Variants in CARD14 observed in about 807,000 individuals in gnomAD.
The protein encoded by CARD14 is caspase recruitment domain family member 14.
CARD14 carries 107 observed loss-of-function variants against 111.5 expected under a neutral mutation model. That is an observed-to-expected ratio of 0.96 (90% CI 0.82 to 1.13). The LOEUF is 1.13. CARD14 is among the 50% of genes most tolerant of loss of function. The probability of loss-of-function intolerance (pLI) is 0.00; values close to 1 mark genes in which losing one functional copy is unlikely to be tolerated. For synonymous variants in CARD14, 617 were observed against 579.6 expected, an observed-to-expected ratio of 1.06 and a Z score of -0.93; for missense variants, 1,322 against 1,362.3, an observed-to-expected ratio of 0.97 and a Z score of 0.47.
intron 23 of CARD14, among the ~76,000 whole-genome samples, chr17:80,207,297 T>C (rs2041380130): frequency 6.6e-6 from 1 of 152,206 alleles, no homozygotes; most frequent in African/African-American, 2.4e-5. Flanking sequence ...ACGCCTGTAA[T>C]CCCAGCACTT....
Position 80,181,660 on chromosome 17 carries a change from C to T in CARD14, c.211+11C>T. On this transcript the variant is annotated intron_variant, in intron 5 of 23. Coordinates refer to ENST00000648509, the MANE Select transcript of CARD14 (RefSeq NM_001366385.1). ...GCGCCATGCGGGCCGGTGAGCGCAG[C>T]TCCCTCTTCCCCACCTCTTCCAGCT... 15 of 1,535,092 alleles carry T rather than the reference C, an allele frequency of 9.8e-6. No individual in the cohort carries two copies. The highest frequency in any genetic ancestry group is 1.4e-5 in the African/African-American group (1 of 72,986).
In CARD14 at chr17:80,202,160, C is replaced by T. The variant is rs2041014434; in HGVS notation, c.1979-20C>T. On this transcript the variant is annotated intron_variant, in intron 17 of 23. Transcript: ENST00000648509. ...GCTCGTATCTGTGGCTCATCTGTGG[C>T]TCATGTCCCCTTTTATCAGGTTATA... is the stretch of plus-strand genomic sequence containing the variant. 5 of 1,597,302 alleles carry T rather than the reference C, an allele frequency of 3.1e-6. No individual in the cohort carries two copies. In the South Asian group the frequency reaches 4.4e-5, roughly 14 times the overall value.
At position 80,175,998 on chromosome 17, in the gene CARD14, C is replaced by G. The variant is rs762952795; in HGVS notation, c.-366-2510C>G. 2.6e-5 allele frequency among the ~76,000 whole-genome samples: 2 copies of G among 76,902 alleles called. 1 individual carries two copies. The highest frequency in any genetic ancestry group is 1.1e-4 in the African/African-American group (2 of 18,318). The allele number at this position is 76,902 out of a possible 152,430, so 50.5% of individuals were successfully genotyped here. On this transcript the variant is annotated intron_variant, in intron 2 of 23. Transcript: ENST00000648509. ...TTTTTTTTTTTTTTTTTTTTAAAAA[C>G]GGGATCGTGCTATGTTGCTAGGCTA...
intron 23 of CARD14, 61 bp downstream of exon 23, chr17:80,207,146 C>A: frequency 8.1e-7 from 1 of 1,237,702 alleles, no homozygotes; most frequent in Non-Finnish European, 1.2e-6. Context: ...CCCCCAAAGC[C>A]CACGGCAGGT....
At position 80,181,632 on chromosome 17, in the gene CARD14, A is replaced by G; in HGVS notation, c.194A>G (p.Asn65Ser). ...EEVLHSPRLT[N>S]SAMRAGHLLD... ...GTGCTGCACAGCCCCCGGCTCACCAACAGCGCCATGCGGGCCGGTGAGCGC... is the reference window on the plus strand; with the variant it reads ...GTGCTGCACAGCCCCCGGCTCACCAGCAGCGCCATGCGGGCCGGTGAGCGC... Residue 65 changes from asparagine (N) to serine (S), a missense_variant, in exon 5 of 24, where the codon AAC (asparagine) becomes AGC (serine). Transcript: ENST00000648509. 1 of 1,550,660 alleles carries G rather than the reference A, an allele frequency of 6.4e-7. No homozygotes were observed. The highest frequency in any genetic ancestry group is 8.7e-7 in the Non-Finnish European group (1 of 1,147,632).
chr17:80,192,326 C>A, intron 11 of CARD14, 177 bp from the exon 12 acceptor site: 1 of 578,978 alleles, frequency 1.7e-6, no homozygotes, highest in Non-Finnish European at 3.1e-6. Context: ...TGATTGGCAG[C>A]GCCTGTGATC....
intron 23 of CARD14, chr17:80,207,804 C>T (rs1055074139): frequency 3.5e-6 from 1 of 284,452 alleles, no homozygotes; most frequent in Non-Finnish European, 6.5e-6. Flanking sequence ...GGCCTCAGCT[C>T]CACTGACCCT....
At chr17:80,172,234 T>C (rs1357818548) in intron 1 of CARD14, among the ~76,000 whole-genome samples, 1 of 152,270 alleles carries the variant, frequency 6.6e-6, no homozygotes, top group Non-Finnish European at 1.5e-5. Context: ...GGCGACTGTT[T>C]AGGGACACCT....
rs895695375 is a variant in CARD14 at position 80,181,713 on chromosome 17, T to C, written c.211+64T>C. The C allele has an allele frequency of 9.9e-6, 14 of 1,417,424 alleles. No homozygotes were observed. The African/African-American group carries it at 1.8e-4, about 19-fold the overall frequency. The allele number at this position is 1,417,424 out of a possible 1,614,324, so 87.8% of individuals were successfully genotyped here. A position where few individuals can be genotyped will look rare whatever the true frequency, so the allele number is the denominator to read the frequency against. Reference sequence around the variant, plus strand: ...CCGTGGCCCACATGGCTCCACTGTCTGCCTCTGTCTTCAGGGGGTCTCTTC... The same window carrying C: ...CCGTGGCCCACATGGCTCCACTGTCCGCCTCTGTCTTCAGGGGGTCTCTTC... On this transcript the variant is annotated intron_variant, in intron 5 of 23. Transcript: ENST00000648509.
At chr17:80,170,706 G>C (rs1229377313) in intron 1 of CARD14, among the ~76,000 whole-genome samples, 1 of 151,686 alleles carries the variant, frequency 6.6e-6, no homozygotes, top group Non-Finnish European at 1.5e-5. Context: ...ATGATCTTAG[G>C]CTCTTCTAGA....
At chr17:80,196,636 AGT>A (rs1473966720) in intron 14 of CARD14, 1 of 152,204 alleles carries the variant, frequency 6.6e-6, no homozygotes, top group Non-Finnish European at 1.5e-5. Context: ...TGGTTCACAG[AGT>A]GAGACTTGCA....
rs1433977762 is a variant in CARD14 at position 80,188,671 on chromosome 17, C to T, written c.843+127C>T. On this transcript the variant is annotated intron_variant, in intron 8 of 23. Coordinates refer to ENST00000648509, the MANE Select transcript of CARD14 (RefSeq NM_001366385.1). This position sits in a 1 kb window ranked among gnomAD's most constrained non-coding sequence, Gnocchi z 4.5. ...GAACAAGAGATGAAATTTAGTGACT[C>T]ATCTCACCCACTTTCTCTTTACCTC... The T allele has an allele frequency of 5.2e-6, 5 of 967,796 alleles. No homozygotes were observed. The highest frequency in any genetic ancestry group is 6.9e-6 in the Non-Finnish European group (5 of 726,082). The allele number at this position is 967,796 out of a possible 1,614,324, so 60.0% of individuals were successfully genotyped here. A position where few individuals can be genotyped will look rare whatever the true frequency, so the allele number is the denominator to read the frequency against.
intron 12 of CARD14, 111 bp downstream of exon 12, chr17:80,192,730 AG>A (rs2040568518): frequency 8.5e-6 from 6 of 702,048 alleles, no homozygotes; most frequent in Middle Eastern, 4.1e-4. Context: ...CACAGGGAAG[AG>A]GTTGGTACGA....
intron 12 of CARD14, among the ~76,000 whole-genome samples, chr17:80,194,990 G>C (rs531770313): frequency 2.6e-5 from 4 of 152,332 alleles, no homozygotes; most frequent in African/African-American, 9.6e-5. Context: ...TGTCAGTGCT[G>C]TGTGCTAATT....
At position 80,208,268 on chromosome 17, in the gene CARD14, G is replaced by A. The variant is rs750872801; in HGVS notation, c.2938G>A (p.Gly980Ser). 35 of 1,594,446 alleles carry A rather than the reference G, an allele frequency of 2.2e-5. No individual in the cohort carries two copies. The highest frequency in any genetic ancestry group is 5.7e-5 in the South Asian group (5 of 87,756). ...TCCTGACGGCTGGAGCGACCTGGAC[G>A]GCCTGCTCAGCTGTGTCCGCCAGGC... ...LAPDGWSDLD[G>S]LLSCVRQAIA... The change falls in exon 24 of 24, where the codon GGC becomes AGC. Residue 980 changes from glycine (G) to serine (S), a missense_variant. Gly to Ser is a moderately conservative substitution (Grantham distance 56). Coordinates refer to ENST00000648509, the MANE Select transcript of CARD14 (RefSeq NM_001366385.1).
At chr17:80,206,856 G>C (rs1472376269) in intron 22 of CARD14, 114 bp from the exon 23 acceptor site, 5 of 573,634 alleles carry the variant, frequency 8.7e-6, no homozygotes, top group African/African-American at 3.9e-5. Context: ...GCTCTGCCCA[G>C]CTCCTGCCCT....
In CARD14 at chr17:80,175,946, C is replaced by T. The variant is rs773334428; in HGVS notation, c.-366-2562C>T. 1.2e-3 allele frequency among the ~76,000 whole-genome samples: 139 copies of T among 113,904 alleles called. 1 individual carries two copies. The highest frequency in any genetic ancestry group is 6.5e-4 in the South Asian group (2 of 3,090). The allele number at this position is 113,904 out of a possible 152,430, so 74.7% of individuals were successfully genotyped here. ...GCAGGGTGGGATTGCCAGCTGCTCTCGGATCGTTTTTTTTTTTTTTTTTTT... is the reference window on the plus strand; with the variant it reads ...GCAGGGTGGGATTGCCAGCTGCTCTTGGATCGTTTTTTTTTTTTTTTTTTT... On this transcript the variant is annotated intron_variant, in intron 2 of 23. Transcript: ENST00000648509.
At chr17:80,191,299 C>T in intron 10 of CARD14, 24 bp from the exon 11 acceptor site, 5 of 1,600,768 alleles carry the variant, frequency 3.1e-6, no homozygotes, top group Non-Finnish European at 4.3e-6. Flanking sequence ...GGCGCGGCCT[C>T]CTTACTCCCG....
rs1245154514 is a variant in CARD14, at chr17:80,202,371, T to TA, written c.2171dup (p.Tyr724Ter). 1.2e-6 allele frequency: 2 copies of TA among 1,613,316 alleles called. No individual in the cohort carries two copies. The highest frequency in any genetic ancestry group is 8.5e-7 in the Non-Finnish European group (1 of 1,179,998). The change falls in exon 18 of 24, where the codon TAC becomes TAAC. Residue 724 changes from tyrosine (Y) to a stop codon, truncating the protein, a stop_gained and frameshift_variant. Transcript: ENST00000648509. LOFTEE classifies it high-confidence loss of function. ...CTGGCATGCCCACCGCGTGAACTCTTACACCATGAAGGATACTGCCGCGCA... is the reference window on the plus strand; with the variant it reads ...CTGGCATGCCCACCGCGTGAACTCTTAACACCATGAAGGATACTGCCGCGCA... The part of the protein sequence containing the change: ...GCWHAHRVNS[Y>*]TMKDTAAHGT...
Sources: gnomAD v4.1 joint callset for allele counts (sites outside exome capture counted in the v4.1 genomes callset) on GRCh38, gnomAD v4.1.1 for gene constraint, Gnocchi (gnomAD v3.1) non-coding constraint, MANE v1.5 for transcripts, NCBI Gene and HGNC (gene_info 2026-07-23, HGNC 2026-07-21) for gene names.